RGS6: variants seen among roughly 807,000 people sequenced by gnomAD.
RGS6 encodes the protein regulator of G-protein signaling 6.
In RGS6, 30 loss-of-function variants were observed where a neutral mutation model predicts 78.5. That is an observed-to-expected ratio of 0.38 (90% CI 0.29 to 0.52). The LOEUF (loss-of-function observed/expected upper bound fraction) is 0.52. Ranked by LOEUF, RGS6 falls within the 20% of genes least tolerant of loss-of-function variation. RGS6 has a pLI of 0.85. For synonymous variants in RGS6, 206 were observed against 206.0 expected (o/e 1.00, Z 0.00); for missense variants, 495 against 609.7 (o/e 0.81, Z 1.98).
chr14:72,606,463 C>T, the RGS6 span, among the ~76,000 whole-genome samples: 2 of 152,142 alleles, frequency 1.3e-5, no homozygotes, highest in South Asian at 2.1e-4. Flanking sequence ...GCAACCCCAC[C>T]CCTTAGACTC....
At chr14:72,130,942 C>G (rs1235327518) in intron 2 of RGS6, among the ~76,000 whole-genome samples, 1 of 152,110 alleles carries the variant, frequency 6.6e-6, no homozygotes, top group Non-Finnish European at 1.5e-5. Context: ...ACACTGTTTC[C>G]CCTTGTGACT....
intron 2 of RGS6, among the ~76,000 whole-genome samples, chr14:72,268,034 T>G (rs2059343007): frequency 6.6e-6 from 1 of 152,238 alleles, no homozygotes; most frequent in Non-Finnish European, 1.5e-5. Flanking sequence ...TGACTTTACT[T>G]TCAGGTGCCT....
intron 3 of RGS6, among the ~76,000 whole-genome samples, chr14:72,453,537 A>G (rs1454033562): frequency 7.6e-6 from 1 of 132,130 alleles, no homozygotes; most frequent in Non-Finnish European, 1.6e-5. Flanking sequence ...AATGGCGTGA[A>G]CCCGGGAGGC....
At chr14:72,381,432 AT>A (rs961365436) in intron 3 of RGS6, among the ~76,000 whole-genome samples, 1 of 152,076 alleles carries the variant, frequency 6.6e-6, no homozygotes, top group Non-Finnish European at 1.5e-5. Context: ...TTTTACATCA[AT>A]TTTTTAAATA....
At chr14:72,146,542 A>G (rs1026101276) in intron 2 of RGS6, among the ~76,000 whole-genome samples, 8 of 152,178 alleles carry the variant, frequency 5.3e-5, no homozygotes, top group South Asian at 2.1e-4. Context: ...AAATTAAACA[A>G]TTTATCTATT....
At chr14:72,152,865 A>C (rs557691288) in intron 2 of RGS6, among the ~76,000 whole-genome samples, 235 of 152,246 alleles carry the variant, frequency 1.5e-3, no homozygotes, top group Non-Finnish European at 2.6e-3. Context: ...GACACTTTGA[A>C]GGGTGAGAAA....
chr14:72,210,461 A>C (rs573652467), intron 2 of RGS6, among the ~76,000 whole-genome samples: 1 of 152,320 alleles, frequency 6.6e-6, no homozygotes, highest in Middle Eastern at 3.4e-3. Flanking sequence ...TTATGAGTGT[A>C]TTTAGGTGAG....
the RGS6 span, among the ~76,000 whole-genome samples, chr14:72,618,139 G>T: frequency 3.3e-5 from 5 of 152,224 alleles, no homozygotes; most frequent in Admixed American, 3.3e-4. Context: ...GTTCTAAAAT[G>T]TGGCCACCCT....
chr14:72,117,519 CA>C (rs2095927868), intron 2 of RGS6, among the ~76,000 whole-genome samples: 1 of 152,114 alleles, frequency 6.6e-6, no homozygotes, highest in Non-Finnish European at 1.5e-5. Flanking sequence ...GTACAGCCTG[CA>C]GAACTGTGAG....
At chr14:72,348,932 C>T (rs1027049642) in intron 2 of RGS6, among the ~76,000 whole-genome samples, 17 of 152,112 alleles carry the variant, frequency 1.1e-4, no homozygotes, top group Non-Finnish European at 1.2e-4. Flanking sequence ...TTTGGGAGGC[C>T]AAGGTGGGCA....
intron 3 of RGS6, among the ~76,000 whole-genome samples, chr14:72,395,545 T>A (rs1035545859): frequency 7.2e-5 from 11 of 152,174 alleles, no homozygotes; most frequent in African/African-American, 2.4e-4. Context: ...TTATTTTTTT[T>A]ATTATACTTT....
chr14:72,548,487 G>A (rs1056752856), intron 17 of RGS6, among the ~76,000 whole-genome samples: 8 of 152,128 alleles, frequency 5.3e-5, no homozygotes, highest in African/African-American at 1.9e-4. Flanking sequence ...GTAAGCAAAT[G>A]CAGAATGCAG....
chr14:72,185,480 A>G (rs2097228571), intron 2 of RGS6, among the ~76,000 whole-genome samples: 1 of 152,206 alleles, frequency 6.6e-6, no homozygotes, highest in Non-Finnish European at 1.5e-5. Context: ...GTTATATCCA[A>G]GTCCTCTCAA....
chr14:71,892,089 A>T, the RGS6 span, among the ~76,000 whole-genome samples: 1 of 152,226 alleles, frequency 6.6e-6, no homozygotes, highest in Non-Finnish European at 1.5e-5. Flanking sequence ...ATACCATTTC[A>T]GTGAAGAGTC....
chr14:72,423,962 G>A (rs528946599), intron 3 of RGS6, among the ~76,000 whole-genome samples: 1 of 152,316 alleles, frequency 6.6e-6, no homozygotes, highest in Admixed American at 6.5e-5. Context: ...TGCCTGGCTG[G>A]GGTTGTGATA....
At chr14:72,486,215 C>G (rs972396490) in intron 12 of RGS6, among the ~76,000 whole-genome samples, 1 of 152,166 alleles carries the variant, frequency 6.6e-6, no homozygotes, top group Non-Finnish European at 1.5e-5. Flanking sequence ...CATGCTGAAC[C>G]ATGAGTCAAT....
chr14:72,360,665 AC>A (rs1403890163), intron 3 of RGS6, among the ~76,000 whole-genome samples: 1 of 152,194 alleles, frequency 6.6e-6, no homozygotes, highest in African/African-American at 2.4e-5. Flanking sequence ...TAATCTGGAA[AC>A]CAAAAATGGT....
At chr14:72,213,886 C>CT (rs2044820772) in intron 2 of RGS6, among the ~76,000 whole-genome samples, 1 of 152,122 alleles carries the variant, frequency 6.6e-6, no homozygotes, top group African/African-American at 2.4e-5. Flanking sequence ...TGACACTACT[C>CT]TCTATATTTT....
At chr14:71,935,492 A>G (rs895917122) in intron 1 of RGS6, among the ~76,000 whole-genome samples, 3 of 152,222 alleles carry the variant, frequency 2.0e-5, no homozygotes, top group Non-Finnish European at 4.4e-5. Flanking sequence ...CTGCTTGTTT[A>G]CAGAATGATT....
Sources: gnomAD v4.1 joint callset for allele counts (sites outside exome capture counted in the v4.1 genomes callset) on GRCh38, gnomAD v4.1.1 for gene constraint, MANE v1.5 for transcripts, NCBI Gene and HGNC (gene_info 2026-07-23, HGNC 2026-07-21) for gene names.